ARID2: variants seen among roughly 807,000 people sequenced by gnomAD.
ARID2 encodes the protein AT-rich interactive domain-containing protein 2.
ARID2 carries 32 observed loss-of-function variants against 184.6 expected under a neutral mutation model. The ratio of observed to expected loss-of-function variants is 0.17; its 90% CI spans 0.13 to 0.23. The LOEUF (loss-of-function observed/expected upper bound fraction) is 0.23. ARID2 is among the 10% of genes least tolerant of loss of function. ARID2 has a pLI of 1.00. For missense variants in ARID2, 1,696 were observed against 2,197.6 expected (o/e 0.77, Z 4.56); for synonymous variants, 836 against 772.6 (o/e 1.08, Z -1.36).
chr12:45,884,374 C>G (rs917164029), intron 16 of ARID2, among the ~76,000 whole-genome samples: 2 of 152,112 alleles, frequency 1.3e-5, no homozygotes, highest in African/African-American at 4.8e-5. Context: ...CCAGCCTGCT[C>G]AACAGAGTGA....
chr12:45,895,379 A>G (rs554810755), intron 20 of ARID2, among the ~76,000 whole-genome samples: 2 of 152,268 alleles, frequency 1.3e-5, no homozygotes, highest in South Asian at 4.1e-4. Flanking sequence ...CATGTGTTGC[A>G]TGTTACCACC....
At chr12:45,757,469 T>C (rs1472600955) in intron 3 of ARID2, among the ~76,000 whole-genome samples, 1 of 152,168 alleles carries the variant, frequency 6.6e-6, no homozygotes, top group African/African-American at 2.4e-5. Flanking sequence ...ACTTGCTAGA[T>C]AAAATGGACC....
chr12:45,844,523 T>C (rs1479502662), intron 11 of ARID2, among the ~76,000 whole-genome samples: 1 of 152,166 alleles, frequency 6.6e-6, no homozygotes, highest in East Asian at 1.9e-4. Context: ...AATTGTAATA[T>C]GTAAAATACT....
At chr12:45,730,711 A>G in intron 2 of ARID2, among the ~76,000 whole-genome samples, 1 of 152,038 alleles carries the variant, frequency 6.6e-6, no homozygotes, top group South Asian at 2.1e-4. Context: ...ACCTGTCTCC[A>G]AATAGCCATC....
intron 3 of ARID2, among the ~76,000 whole-genome samples, chr12:45,795,689 G>A (rs1289919305): frequency 7.2e-6 from 1 of 139,152 alleles, no homozygotes; most frequent in African/African-American, 2.6e-5. Flanking sequence ...GCCCGCCTTG[G>A]CCTCCCAAAG....
chr12:45,751,684 A>G (rs1054657096), intron 3 of ARID2, among the ~76,000 whole-genome samples: 1 of 152,242 alleles, frequency 6.6e-6, no homozygotes, highest in African/African-American at 2.4e-5. Flanking sequence ...AGAGCCTACT[A>G]CACACCTAAG....
At chr12:45,797,143 TACAC>T (rs1031753913) in intron 3 of ARID2, among the ~76,000 whole-genome samples, 17 of 152,336 alleles carry the variant, frequency 1.1e-4, no homozygotes, top group Admixed American at 7.2e-4. Flanking sequence ...TATACATACA[TACAC>T]ACACAAACAC....
Position 45,837,712 on chromosome 12 carries a change from G to A in ARID2, c.1330+5G>A, listed in dbSNP as rs1340476271. The A allele has an allele frequency of 2.5e-6, 4 of 1,608,338 alleles. No individual in the cohort carries two copies. The African/African-American group carries it at 4.0e-5, about 16-fold the overall frequency. On this transcript the variant is annotated splice_donor_5th_base_variant and intron_variant, in intron 10 of 20. Coordinates refer to ENST00000334344, the MANE Select transcript of ARID2 (RefSeq NM_152641.4). ...CAAAAGTAGAAAAGAGCATAGGTAAGACTGGACCAAAAAACACTTATTTTC... is the reference window on the plus strand; with the variant it reads ...CAAAAGTAGAAAAGAGCATAGGTAAAACTGGACCAAAAAACACTTATTTTC...
intron 6 of ARID2, among the ~76,000 whole-genome samples, chr12:45,831,948 T>C (rs1416290055): frequency 6.6e-6 from 1 of 152,112 alleles, no homozygotes; most frequent in East Asian, 1.9e-4. Context: ...TTTTCCCATC[T>C]TTATAGTTTT....
At chr12:45,804,531 A>T (rs1942566422) in intron 3 of ARID2, among the ~76,000 whole-genome samples, 1 of 151,108 alleles carries the variant, frequency 6.6e-6, no homozygotes, top group Admixed American at 6.6e-5. Flanking sequence ...CTTTTTTTTA[A>T]CTGCAACTTT....
chr12:45,892,171 C>T lies in ARID2; in HGVS notation c.5147+75C>T, dbSNP rs1944310052. 4.2e-6 allele frequency: 6 copies of T among 1,440,318 alleles called. No homozygotes were observed. In the South Asian group the frequency reaches 5.2e-5, roughly 12 times the overall value. The allele number at this position is 1,440,318 out of a possible 1,614,324, so 89.2% of individuals were successfully genotyped here. On this transcript the variant is annotated intron_variant, in intron 18 of 20. Transcript: ENST00000334344. ...CAAAACACAAGAAAATGAAACGCAA[C>T]TTAGCATATTAGGAGACCAGAAACC...
chr12:45,785,714 C>CAA (rs916333255), intron 3 of ARID2, among the ~76,000 whole-genome samples: 1 of 151,760 alleles, frequency 6.6e-6, no homozygotes, highest in Admixed American at 6.6e-5. Flanking sequence ...CAAACATTCC[C>CAA]AAAAAAACAC....
At chr12:45,810,305 A>G (rs867998091) in intron 3 of ARID2, among the ~76,000 whole-genome samples, 7 of 152,176 alleles carry the variant, frequency 4.6e-5, no homozygotes, top group African/African-American at 1.7e-4. Context: ...TGAAAATTCA[A>G]TCCTAGTTAA....
At chr12:45,779,043 CT>C (rs1942038410) in intron 3 of ARID2, among the ~76,000 whole-genome samples, 5 of 151,754 alleles carry the variant, frequency 3.3e-5, no homozygotes, top group Admixed American at 3.3e-4. Flanking sequence ...ATTTTAATAA[CT>C]TCATATTTGT....
intron 5 of ARID2, 117 bp from the exon 6 acceptor site, chr12:45,821,303 G>T: frequency 2.0e-6 from 1 of 508,802 alleles, no homozygotes; most frequent in Non-Finnish European, 3.3e-6. Context: ...ATAATTTTTA[G>T]TACACAAGAT....
At chr12:45,869,874 T>G (rs1247934702) in intron 16 of ARID2, among the ~76,000 whole-genome samples, 1 of 152,030 alleles carries the variant, frequency 6.6e-6, no homozygotes, top group East Asian at 1.9e-4. Flanking sequence ...CAGAGCAAGA[T>G]TCCACCTCAA....
chr12:45,862,902 T>TA (rs398116404), intron 16 of ARID2, among the ~76,000 whole-genome samples: 2 of 151,974 alleles, frequency 1.3e-5, no homozygotes, highest in Non-Finnish European at 2.9e-5. Flanking sequence ...ATTTTTTTTT[T>TA]ATCCATAGCT....
chr12:45,754,008 G>A (rs1941517630), intron 3 of ARID2, among the ~76,000 whole-genome samples: 1 of 152,148 alleles, frequency 6.6e-6, no homozygotes, highest in African/African-American at 2.4e-5. Context: ...CATTTCTAAA[G>A]CAACTACTAA....
At chr12:45,786,028 A>C (rs554262636) in intron 3 of ARID2, among the ~76,000 whole-genome samples, 2 of 152,244 alleles carry the variant, frequency 1.3e-5, no homozygotes, top group East Asian at 3.9e-4. Flanking sequence ...ATTTCAAAAA[A>C]CCTTTATTTA....
Sources: gnomAD v4.1 joint callset for allele counts (sites outside exome capture counted in the v4.1 genomes callset) on GRCh38, gnomAD v4.1.1 for gene constraint, MANE v1.5 for transcripts, NCBI Gene and HGNC (gene_info 2026-07-23, HGNC 2026-07-21) for gene names.